Variants in CAP1 observed in about 807,000 individuals in gnomAD.
The protein encoded by CAP1 is adenylyl cyclase-associated protein 1.
CAP1 carries 11 observed loss-of-function variants against 58.2 expected under a neutral mutation model. That is an observed-to-expected ratio of 0.19 (90% CI 0.12 to 0.31). The LOEUF is 0.31. Among genes scored for constraint, CAP1 ranks in the 10% least tolerant of loss-of-function variants. The pLI is 1.00. For synonymous variants in CAP1, 183 were observed against 213.8 expected (o/e 0.86, Z 1.26); for missense variants, 423 against 587.5 (o/e 0.72, Z 2.89).
At chr1:40,066,788 G>T (rs957007304) in intron 7 of CAP1, among the ~76,000 whole-genome samples, 2 of 152,210 alleles carry the variant, frequency 1.3e-5, no homozygotes, top group African/African-American at 2.4e-5. Context: ...TGAGAAGTGG[G>T]ATACTACAAA....
chr1:40,040,748 T>G lies in CAP1; in HGVS notation c.-64T>G, dbSNP rs893743232. On this transcript the variant is annotated 5_prime_UTR_variant, in exon 1 of 13. Coordinates refer to ENST00000372805, the MANE Select transcript of CAP1 (RefSeq NM_006367.4). ...CGCGCGGAGATTGCTGGGCGGTTCT[T>G]GCCGGAAGCGGAGAGCGGCTGATCG... 9.2e-5 allele frequency: 14 copies of G among 152,996 alleles called. No individual in the cohort carries two copies. Among genetic ancestry groups the G allele is most frequent in the African/African-American group, 2.9e-4 (12 of 41,466 alleles). The allele number at this position is 152,996 out of a possible 1,614,324, so 9.5% of individuals were successfully genotyped here. A position where few individuals can be genotyped will look rare whatever the true frequency, so the allele number is the denominator to read the frequency against.
Position 40,064,523 on chromosome 1 carries a change from T to A in CAP1, c.488T>A (p.Phe163Tyr). ...AAAGAAATGAATGATGCCGCCATGT[T>A]TTATACAAACCGAGTCCTCAAAGAG... Reference protein sequence around the residue: ...YVKEMNDAAMFYTNRVLKEYK... With the variant: ...YVKEMNDAAMYYTNRVLKEYK... Residue 163 changes from phenylalanine (F) to tyrosine (Y), a missense_variant, in exon 6 of 13, where the codon TTT becomes TAT. Physicochemically the swap from Phe to Tyr is conservative, Grantham distance 22. Coordinates refer to ENST00000372805, the MANE Select transcript of CAP1 (RefSeq NM_006367.4). The A allele has an allele frequency of 1.9e-6, 3 of 1,613,876 alleles. No individual in the cohort carries two copies. Among genetic ancestry groups the A allele is most frequent in the Non-Finnish European group, 2.5e-6 (3 of 1,179,966 alleles).
In CAP1 at chr1:40,067,656, T is replaced by C; in HGVS notation, c.747T>C (p.Tyr249=). 6.3e-7 allele frequency: 1 copy of C among 1,588,438 alleles called. No homozygotes were observed. Among genetic ancestry groups the C allele is most frequent in the Non-Finnish European group, 8.6e-7 (1 of 1,165,760 alleles). ...CAGTCTCTACCATTTCATGCTCATA[T>C]GAGTCTGCTTCCCGCTCATCACTGT... ...PPPVSTISCS[Y]ESASRSSLFA... is the part of the protein sequence containing the mutation. Residue 249 remains tyrosine, a synonymous_variant, in exon 8 of 13, where the codon TAT becomes TAC. Transcript: ENST00000372805.
chr1:40,069,490 G>A (rs538654226), intron 8 of CAP1, 200 bp from the exon 9 acceptor site: 41 of 585,458 alleles, frequency 7.0e-5, no homozygotes, highest in African/African-American at 6.7e-4. Context: ...CACATTCCAT[G>A]TTGTTGTTAA....
intron 1 of CAP1, among the ~76,000 whole-genome samples, chr1:40,043,880 AAAAAG>A (rs1456383617): frequency 6.6e-6 from 1 of 151,966 alleles, no homozygotes; most frequent in South Asian, 2.1e-4. Context: ...GTCTCAAAAA[AAAAAG>A]AAAAGAAAAA....
intron 1 of CAP1, among the ~76,000 whole-genome samples, chr1:40,057,651 CTT>C (rs906865453): frequency 5.3e-5 from 8 of 152,202 alleles, no homozygotes; most frequent in African/African-American, 1.9e-4. Context: ...CTGCTTATCT[CTT>C]CCACAGGGAG....
In CAP1 at chr1:40,072,372, G is replaced by C. The variant is rs1283190446; in HGVS notation, c.*839G>C. ...CTCCTTTTCCCTGTCATGCTCATCA[G>C]CTTATGGCTTCTGTCTAAGCACCTG... On this transcript the variant is annotated 3_prime_UTR_variant, in exon 13 of 13. Coordinates refer to ENST00000372805, the MANE Select transcript of CAP1 (RefSeq NM_006367.4). 1.0e-5 allele frequency: 3 copies of C among 297,162 alleles called. No individual in the cohort carries two copies. Among genetic ancestry groups the C allele is most frequent in the African/African-American group, 2.2e-5 (1 of 46,266 alleles). 18.4% of individuals were successfully genotyped at this position (297,162 alleles called of 1,614,324 possible).
At chr1:40,059,723 C>T (rs956171371) in intron 2 of CAP1, among the ~76,000 whole-genome samples, 9 of 152,102 alleles carry the variant, frequency 5.9e-5, no homozygotes, top group African/African-American at 2.2e-4. Context: ...AGTCAAATGA[C>T]AAGTGATAAT....
chr1:40,047,286 A>G (rs775906347), intron 1 of CAP1, among the ~76,000 whole-genome samples: 5 of 152,222 alleles, frequency 3.3e-5, no homozygotes, highest in Non-Finnish European at 5.9e-5. Context: ...TTGATGTACT[A>G]TATGTTAACC....
chr1:40,064,174 G>C, intron 4 of CAP1, 53 bp from the exon 5 acceptor site: 1 of 1,584,762 alleles, frequency 6.3e-7, no homozygotes. Context: ...AGAAGGCATA[G>C]ACACCTTTGT....
Position 40,070,903 on chromosome 1 carries a change from A to T in CAP1, c.1268A>T (p.Asn423Ile), listed in dbSNP as rs771283475. 6.2e-7 allele frequency: 1 copy of T among 1,613,916 alleles called. No individual in the cohort carries two copies. The highest frequency in any genetic ancestry group is 8.5e-7 in the Non-Finnish European group (1 of 1,179,824). ...TDGCHAYLSK[N>I]SLDCEIVSAK... Reference sequence around the variant, plus strand: ...GGCTGCCATGCTTACCTGAGCAAGAATTCCCTGGATTGTGAAATAGTCAGT... The same window carrying T: ...GGCTGCCATGCTTACCTGAGCAAGATTTCCCTGGATTGTGAAATAGTCAGT... Residue 423 changes from asparagine to isoleucine, a missense_variant, in exon 12 of 13, where the codon AAT becomes ATT. Transcript: ENST00000372805.
intron 1 of CAP1, among the ~76,000 whole-genome samples, chr1:40,051,692 C>T (rs145687985): frequency 3.1e-3 from 475 of 152,302 alleles, no homozygotes; most frequent in Non-Finnish European, 5.3e-3. Flanking sequence ...TCTCCTGCCT[C>T]AGCCTCCTGA....
intron 1 of CAP1, among the ~76,000 whole-genome samples, chr1:40,043,418 G>A (rs1645934999): frequency 6.7e-6 from 1 of 148,768 alleles, no homozygotes; most frequent in Non-Finnish European, 1.5e-5. Flanking sequence ...GGCTGGTTTC[G>A]AACTCCTGAC....
chr1:40,064,240 A>G lies in CAP1; in HGVS notation c.308A>G (p.Asp103Gly), dbSNP rs370896110. 13 of 1,613,956 alleles carry G rather than the reference A, an allele frequency of 8.1e-6. No homozygotes were observed. The highest frequency in any genetic ancestry group is 1.3e-5 in the African/African-American group (1 of 74,912). ...CQQPAENKLS[D>G]LLAPISEQIK... ...ATCTTTTCCTAGAATAAGCTTTCCG[A>G]TTTGTTGGCACCCATCTCAGAGCAG... The change falls in exon 5 of 13, where the codon GAT becomes GGT. Residue 103 changes from aspartate to glycine, a missense_variant. By Grantham distance (94) the Asp-to-Gly change is moderately conservative. Coordinates refer to ENST00000372805, the MANE Select transcript of CAP1 (RefSeq NM_006367.4).
intron 1 of CAP1, among the ~76,000 whole-genome samples, chr1:40,056,085 C>G (rs3131676): frequency 0.69 from 105,603 of 151,986 alleles, 36,961 homozygotes; most frequent in Non-Finnish European, 0.74. Flanking sequence ...CACAAAGCCA[C>G]TGCATATTGT....
rs1647382605 is a variant in CAP1, at chr1:40,069,479, A to G, written c.809-211A>G. 5.4e-6 allele frequency: 3 copies of G among 556,800 alleles called. No homozygotes were observed. In the African/African-American group the frequency reaches 5.9e-5, roughly 11 times the overall value. The allele number at this position is 556,800 out of a possible 1,614,324, so 34.5% of individuals were successfully genotyped here. On this transcript the variant is annotated intron_variant, in intron 8 of 12. Transcript: ENST00000372805. Reference sequence around the variant, plus strand: ...ATCCTTATCCTCACCCACAATATACACACATTCCATGTTGTTGTTAATGGA... The same window carrying G: ...ATCCTTATCCTCACCCACAATATACGCACATTCCATGTTGTTGTTAATGGA...
chr1:40,064,054 G>A (rs755089100), intron 4 of CAP1, among the ~76,000 whole-genome samples, 173 bp from the exon 5 acceptor site: 20 of 152,306 alleles, frequency 1.3e-4, no homozygotes, highest in African/African-American at 2.6e-4. Context: ...GGAACTCTAC[G>A]AGGAGAGTGA....
chr1:40,043,492 G>A (rs867461517), intron 1 of CAP1, among the ~76,000 whole-genome samples: 6 of 152,240 alleles, frequency 3.9e-5, no homozygotes, highest in South Asian at 2.1e-4. Flanking sequence ...CTCCGCACCC[G>A]GCGTGAAGGG....
chr1:40,060,582 C>G (rs1168753241), intron 3 of CAP1, among the ~76,000 whole-genome samples: 1 of 152,148 alleles, frequency 6.6e-6, no homozygotes, highest in African/African-American at 2.4e-5. Flanking sequence ...TATTTTCACA[C>G]TTAACCCACA....
Sources: allele counts gnomAD v4.1 joint callset (sites outside exome capture counted in the v4.1 genomes callset), GRCh38; gene constraint gnomAD v4.1.1; transcripts MANE v1.5; gene names NCBI Gene and HGNC (gene_info 2026-07-23, HGNC 2026-07-21).